BANK1: variants seen among roughly 807,000 people sequenced by gnomAD.
The protein encoded by BANK1 is B-cell scaffold protein with ankyrin repeats.
BANK1 carries 95 observed loss-of-function variants against 94.5 expected under a neutral mutation model. The observed-to-expected ratio is 1.00, with a 90% CI of 0.85 to 1.19. BANK1 has a LOEUF of 1.19. Ranked by LOEUF, BANK1 falls within the 50% of genes most tolerant of loss-of-function variation. The pLI is 0.00. For synonymous variants in BANK1, 334 were observed against 308.4 expected (o/e 1.08, Z -0.87); for missense variants, 987 against 932.2 (o/e 1.06, Z -0.77).
At position 101,839,937 on chromosome 4, in the gene BANK1, A is replaced by ATTTTTTTTTTTT. The variant is rs70964197; in HGVS notation, c.469+9769_469+9780dup. On this transcript the variant is annotated intron_variant, in intron 2 of 16. Transcript: ENST00000322953. ...GCTACTATATAATTTCAAATATTTA[A>ATTTTTTTTTTTT]TTTTTTTTTTTTTTTTTTTTTTTTT... is the stretch of plus-strand genomic sequence containing the variant. Among the ~76,000 whole-genome samples the ATTTTTTTTTTTT allele has an allele frequency of 2.8e-4, 15 of 53,088 alleles. 4 individuals carry two copies. Among genetic ancestry groups the ATTTTTTTTTTTT allele is most frequent in the African/African-American group, 3.0e-4 (4 of 13,328 alleles). 34.8% of individuals were successfully genotyped at this position (53,088 alleles called of 152,430 possible).
chr4:101,835,329 G>T lies in BANK1; in HGVS notation c.469+5123G>T, dbSNP rs141148346. 5.8e-4 allele frequency among the ~76,000 whole-genome samples: 89 copies of T among 152,216 alleles called. 2 individuals carry two copies. In the East Asian group the frequency reaches 0.014, roughly 24 times the overall value. ...AGGCCTCTGTCCTCCCTTGTTCTTTGTTCTCAACTCTGCCCCCGTCACTTC... is the reference window on the plus strand; with the variant it reads ...AGGCCTCTGTCCTCCCTTGTTCTTTTTTCTCAACTCTGCCCCCGTCACTTC... On this transcript the variant is annotated intron_variant, in intron 2 of 16. Coordinates refer to ENST00000322953, the MANE Select transcript of BANK1 (RefSeq NM_017935.5).
chr4:102,071,335 A>C, intron 14 of BANK1, 31 bp downstream of exon 14: 1 of 1,602,538 alleles, frequency 6.2e-7, no homozygotes. Context: ...GAAGGATCTA[A>C]GACTAAAACA....
chr4:101,842,749 C>T (rs756179932), intron 2 of BANK1, among the ~76,000 whole-genome samples: 4 of 152,062 alleles, frequency 2.6e-5, no homozygotes, highest in Admixed American at 2.0e-4. Flanking sequence ...TATAAAAACC[C>T]GGGCACATGG....
chr4:101,808,797 A>G (rs13124747), intron 1 of BANK1, among the ~76,000 whole-genome samples: 37,714 of 152,086 alleles, frequency 0.25, 5,204 homozygotes, highest in Non-Finnish European at 0.32. Flanking sequence ...TAAAACCACA[A>G]TGAGATACCA....
intron 10 of BANK1, among the ~76,000 whole-genome samples, chr4:102,041,051 A>AC (rs1727686645): frequency 6.6e-6 from 1 of 152,056 alleles, no homozygotes; most frequent in South Asian, 2.1e-4. Flanking sequence ...CGTCTAACTA[A>AC]CCACAACTCT....
At chr4:101,794,878 T>C (rs950203049) in intron 1 of BANK1, among the ~76,000 whole-genome samples, 2 of 152,156 alleles carry the variant, frequency 1.3e-5, no homozygotes, top group African/African-American at 4.8e-5. Flanking sequence ...TCTGGTTCAT[T>C]AAAATATGTT....
chr4:101,853,248 T>A (rs1727558213), intron 2 of BANK1, among the ~76,000 whole-genome samples: 1 of 152,216 alleles, frequency 6.6e-6, no homozygotes, highest in Non-Finnish European at 1.5e-5. Flanking sequence ...AAAACTTTTC[T>A]TCTCAGAAAC....
chr4:102,024,592 C>T (rs979781080), intron 8 of BANK1, among the ~76,000 whole-genome samples: 2 of 151,810 alleles, frequency 1.3e-5, no homozygotes, highest in African/African-American at 4.8e-5. Flanking sequence ...AGAACTGATC[C>T]TCAGAAAGAT....
intron 7 of BANK1, among the ~76,000 whole-genome samples, chr4:101,971,108 T>G (rs1289879882): frequency 2.0e-5 from 3 of 152,104 alleles, no homozygotes; most frequent in African/African-American, 7.2e-5. Flanking sequence ...ATAGCATAAC[T>G]TAAAGGTGTT....
In BANK1 at chr4:102,029,961, G is replaced by A. The variant is rs542302014; in HGVS notation, c.1596G>A (p.Gly532=). The part of the protein sequence containing the change: ...QLERPHFTLP[G]TMVEGQMERS... ...ACCATGTAAATATTTCATAAACAGGGACAATGGTGGAAGGCCAAATGGAAA... is the reference window on the plus strand; with the variant it reads ...ACCATGTAAATATTTCATAAACAGGAACAATGGTGGAAGGCCAAATGGAAA... The change falls in exon 10 of 17, where the codon GGG becomes GGA. Residue 532 remains glycine (G), a splice_region_variant and synonymous_variant. Coordinates refer to ENST00000322953, the MANE Select transcript of BANK1 (RefSeq NM_017935.5). 6.3e-7 allele frequency: 1 copy of A among 1,599,990 alleles called. No homozygotes were observed. Among genetic ancestry groups the A allele is most frequent in the Admixed American group, 1.8e-5 (1 of 56,688 alleles).
intron 7 of BANK1, among the ~76,000 whole-genome samples, chr4:102,013,367 G>C (rs1416010936): frequency 1.3e-5 from 2 of 152,072 alleles, no homozygotes; most frequent in Non-Finnish European, 2.9e-5. Context: ...GAGAAGGCCA[G>C]CTAGTTTTAA....
intron 5 of BANK1, among the ~76,000 whole-genome samples, chr4:101,879,743 T>C (rs1728610644): frequency 6.6e-6 from 1 of 152,144 alleles, no homozygotes; most frequent in Non-Finnish European, 1.5e-5. Context: ...TCATTCATCA[T>C]GACTAAATGG....
chr4:102,018,975 GC>G (rs1726806307), intron 7 of BANK1, among the ~76,000 whole-genome samples: 1 of 151,724 alleles, frequency 6.6e-6, no homozygotes, highest in Non-Finnish European at 1.5e-5. Context: ...GTGCCACCAT[GC>G]CCAACTAATT....
At chr4:102,056,912 G>T (rs1386348002) in intron 11 of BANK1, among the ~76,000 whole-genome samples, 1 of 152,172 alleles carries the variant, frequency 6.6e-6, no homozygotes, top group Non-Finnish European at 1.5e-5. Flanking sequence ...GGCTGAGACA[G>T]GAGAATCACT....
chr4:101,869,000 A>T (rs1217523509), intron 4 of BANK1, among the ~76,000 whole-genome samples: 1 of 151,928 alleles, frequency 6.6e-6, no homozygotes, highest in Non-Finnish European at 1.5e-5. Flanking sequence ...TTTTGAGTTA[A>T]CTAAGGATTC....
At chr4:101,909,507 G>A (rs1205365247) in intron 6 of BANK1, among the ~76,000 whole-genome samples, 2 of 152,064 alleles carry the variant, frequency 1.3e-5, no homozygotes, top group South Asian at 2.1e-4. Flanking sequence ...AAACCTGCAC[G>A]TTGTGCACAT....
At chr4:101,924,302 A>G (rs1723087186) in intron 7 of BANK1, among the ~76,000 whole-genome samples, 1 of 151,226 alleles carries the variant, frequency 6.6e-6, no homozygotes, top group African/African-American at 2.4e-5. Context: ...GGTTTAACAG[A>G]GTAAAGCAAA....
At chr4:102,035,430 C>T (rs569846983) in intron 10 of BANK1, among the ~76,000 whole-genome samples, 2 of 152,070 alleles carry the variant, frequency 1.3e-5, no homozygotes, top group South Asian at 2.1e-4. Context: ...GGGCGGATCA[C>T]GAGGTCAGGA....
chr4:101,989,176 G>A (rs1319411487), intron 7 of BANK1, among the ~76,000 whole-genome samples: 1 of 152,038 alleles, frequency 6.6e-6, no homozygotes, highest in Non-Finnish European at 1.5e-5. Context: ...CAGGCACTGT[G>A]GCTCATGCCT....
Sources: gnomAD v4.1 joint callset for allele counts (sites outside exome capture counted in the v4.1 genomes callset) on GRCh38, gnomAD v4.1.1 for gene constraint, MANE v1.5 for transcripts, NCBI Gene and HGNC (gene_info 2026-07-23, HGNC 2026-07-21) for gene names.